PTPRD: variants seen among roughly 807,000 people sequenced by gnomAD.
The protein encoded by PTPRD is protein tyrosine phosphatase receptor type D.
In PTPRD, 34 loss-of-function variants were observed where a neutral mutation model predicts 214.5. The observed-to-expected ratio is 0.16, with a 90% CI of 0.12 to 0.21. The LOEUF (loss-of-function observed/expected upper bound fraction) is 0.21. Ranked by LOEUF, PTPRD falls within the 10% of genes least tolerant of loss-of-function variation. The pLI, the probability that PTPRD is intolerant of heterozygous loss-of-function variation, is 1.00. For synonymous variants in PTPRD, 1,128 were observed against 845.7 expected, an observed-to-expected ratio of 1.33 and a Z score of -5.79; for missense variants, 2,545 against 2,398.7, an observed-to-expected ratio of 1.06 and a Z score of -1.27.
At chr9:10,109,766 C>G (rs2098673533) in intron 3 of PTPRD, among the ~76,000 whole-genome samples, 1 of 151,970 alleles carries the variant, frequency 6.6e-6, no homozygotes, top group African/African-American at 2.4e-5. Flanking sequence ...CCTCTAGGGT[C>G]CAATTTTCTG....
chr9:9,955,526 G>GTTTTT (rs779657484), intron 4 of PTPRD, among the ~76,000 whole-genome samples: 71 of 134,078 alleles, frequency 5.3e-4, no homozygotes, highest in African/African-American at 1.2e-3. Flanking sequence ...GTTTTGTTTT[G>GTTTTT]TTTTTTTTTT....
At chr9:10,407,629 C>A (rs534274226) in intron 2 of PTPRD, among the ~76,000 whole-genome samples, 168 of 151,302 alleles carry the variant, frequency 1.1e-3, no homozygotes, top group Non-Finnish European at 1.3e-3. Flanking sequence ...GTGATTTGGC[C>A]AATACTCTTC....
At chr9:8,652,221 T>G (rs1265416001) in intron 12 of PTPRD, among the ~76,000 whole-genome samples, 1 of 152,218 alleles carries the variant, frequency 6.6e-6, no homozygotes, top group Non-Finnish European at 1.5e-5. Context: ...ATAGAATGCA[T>G]GCCGAAATAA....
intron 44 of PTPRD, 114 bp downstream of exon 44, chr9:8,331,468 T>TAATACATTGCCAAGAATAAAATTTCAA: frequency 8.3e-7 from 1 of 1,205,474 alleles, no homozygotes; most frequent in Non-Finnish European, 1.2e-6. Context: ...TTAAGTTTTG[T>TAATACATTGCCAAGAATAAAATTTCAA]AATACATTGC....
intron 43 of PTPRD, among the ~76,000 whole-genome samples, chr9:8,335,661 A>G (rs1415177039): frequency 2.0e-5 from 3 of 152,190 alleles, no homozygotes; most frequent in African/African-American, 7.2e-5. Flanking sequence ...GGCAAGAGAA[A>G]GAAGTAACGG....
At chr9:8,595,819 G>C (rs1429534041) in intron 14 of PTPRD, among the ~76,000 whole-genome samples, 6 of 152,144 alleles carry the variant, frequency 3.9e-5, no homozygotes, top group Non-Finnish European at 7.4e-5. Context: ...CGTAATCCAT[G>C]TGTGTTGACT....
At chr9:10,081,878 C>A (rs2098244226) in intron 3 of PTPRD, among the ~76,000 whole-genome samples, 1 of 151,904 alleles carries the variant, frequency 6.6e-6, no homozygotes, top group Non-Finnish European at 1.5e-5. Context: ...CGGTATGATG[C>A]AGTCATACAC....
At chr9:10,234,699 T>C (rs1234722866) in intron 3 of PTPRD, among the ~76,000 whole-genome samples, 1 of 151,930 alleles carries the variant, frequency 6.6e-6, no homozygotes, top group African/African-American at 2.4e-5. Flanking sequence ...TTTAAATAAA[T>C]AAGTGATCAA....
intron 14 of PTPRD, among the ~76,000 whole-genome samples, chr9:8,561,866 TTCC>T (rs2086525750): frequency 6.6e-6 from 1 of 152,034 alleles, no homozygotes; most frequent in Non-Finnish European, 1.5e-5. Context: ...ATCTAAATGT[TTCC>T]AGTGCCAAAG....
chr9:8,663,507 T>A (rs1381085704), intron 12 of PTPRD, among the ~76,000 whole-genome samples: 1 of 152,132 alleles, frequency 6.6e-6, no homozygotes, highest in Admixed American at 6.6e-5. Context: ...TATTTATTTA[T>A]TGGGAGGCAG....
At chr9:8,486,895 G>T (rs1212751779) in intron 27 of PTPRD, among the ~76,000 whole-genome samples, 1 of 151,918 alleles carries the variant, frequency 6.6e-6, no homozygotes, top group Non-Finnish European at 1.5e-5. Flanking sequence ...ACTTTCCAAG[G>T]CTAGCATGTA....
intron 3 of PTPRD, among the ~76,000 whole-genome samples, chr9:10,106,498 A>T (rs1411618347): frequency 1.3e-5 from 2 of 151,880 alleles, no homozygotes; most frequent in African/African-American, 4.8e-5. Flanking sequence ...GAAAGAAAGA[A>T]TTTACTGAGC....
At chr9:10,609,889 A>G (rs1257241454) in intron 2 of PTPRD, among the ~76,000 whole-genome samples, 2 of 152,134 alleles carry the variant, frequency 1.3e-5, no homozygotes, top group Non-Finnish European at 2.9e-5. Flanking sequence ...GTTAATATTA[A>G]AAGAAAAGAA....
intron 7 of PTPRD, among the ~76,000 whole-genome samples, chr9:9,597,000 CAAGT>C (rs2093402077): frequency 6.6e-6 from 1 of 151,918 alleles, no homozygotes; most frequent in Admixed American, 6.6e-5. Context: ...TCCAGACTGA[CAAGT>C]AAGTAATTGG....
At chr9:10,406,055 G>A (rs928843901) in intron 2 of PTPRD, among the ~76,000 whole-genome samples, 1 of 150,938 alleles carries the variant, frequency 6.6e-6, no homozygotes, top group South Asian at 2.1e-4. Flanking sequence ...ATATTTCTTG[G>A]AAATAGAAGA....
chr9:8,830,447 T>G (rs2097264557), intron 11 of PTPRD, among the ~76,000 whole-genome samples: 1 of 152,058 alleles, frequency 6.6e-6, no homozygotes, highest in Admixed American at 6.6e-5. Context: ...ATCTTGATAT[T>G]AAGAAACAAG....
intron 10 of PTPRD, among the ~76,000 whole-genome samples, chr9:9,030,747 T>C (rs748348351): frequency 5.9e-5 from 9 of 151,972 alleles, no homozygotes; most frequent in African/African-American, 9.7e-5. Flanking sequence ...AATCCACCTT[T>C]ATTAATTCAA....
chr9:9,471,542 G>C (rs1179191489), intron 8 of PTPRD, among the ~76,000 whole-genome samples: 1 of 152,080 alleles, frequency 6.6e-6, no homozygotes, highest in South Asian at 2.1e-4. Context: ...TTAAATAGAA[G>C]TGAGTCACTA....
intron 10 of PTPRD, among the ~76,000 whole-genome samples, chr9:9,133,138 C>A (rs2099845399): frequency 6.6e-6 from 1 of 152,052 alleles, no homozygotes; most frequent in African/African-American, 2.4e-5. Flanking sequence ...CTGTATTTGG[C>A]TAATCAGAAC....
Sources: allele counts gnomAD v4.1 joint callset (sites outside exome capture counted in the v4.1 genomes callset), GRCh38; gene constraint gnomAD v4.1.1; transcripts MANE v1.5; gene names NCBI Gene and HGNC (gene_info 2026-07-23, HGNC 2026-07-21).